SLC25A33: variants seen among roughly 807,000 people sequenced by gnomAD.
SLC25A33 encodes bone marrow stromal cell mitochondrial carrier protein.
SLC25A33 carries 15 observed loss-of-function variants against 35.5 expected under a neutral mutation model. That is an observed-to-expected ratio of 0.42 (90% CI 0.28 to 0.65). The LOEUF (loss-of-function observed/expected upper bound fraction) is 0.65. Among genes scored for constraint, SLC25A33 ranks in the 30% least tolerant of loss-of-function variants. The pLI is 0.20. For missense variants in SLC25A33, 257 were observed against 398.5 expected, an observed-to-expected ratio of 0.64 and a Z score of 3.02; for synonymous variants, 136 against 148.7, an observed-to-expected ratio of 0.91 and a Z score of 0.62.
At chr1:9,557,046 T>C (rs1390490898) in intron 2 of SLC25A33, among the ~76,000 whole-genome samples, 10 of 152,096 alleles carry the variant, frequency 6.6e-5, no homozygotes, top group Non-Finnish European at 1.5e-4. Flanking sequence ...CGATTCTCCT[T>C]CCTCAGCCTC....
intron 5 of SLC25A33, among the ~76,000 whole-genome samples, chr1:9,577,863 T>C (rs986950720): frequency 6.6e-6 from 1 of 152,200 alleles, no homozygotes; most frequent in East Asian, 1.9e-4. Context: ...GACAGCCTGC[T>C]TCTCCCCAAA....
At chr1:9,576,588 AC>A in intron 5 of SLC25A33, 1 of 568,782 alleles carries the variant, frequency 1.8e-6, no homozygotes, top group Non-Finnish European at 3.4e-6. Flanking sequence ...GGAGTGCCAC[AC>A]GGTGGGGTAA....
At chr1:9,570,170 A>G (rs1643568598) in intron 3 of SLC25A33, 88 bp from the exon 4 acceptor site, 6 of 1,217,790 alleles carry the variant, frequency 4.9e-6, no homozygotes, top group East Asian at 2.4e-5. Context: ...TTCCCATTTT[A>G]TTTTCCGAAA....
chr1:9,580,328 G>A (rs370635326), intron 6 of SLC25A33, 94 bp downstream of exon 6: 42 of 1,482,134 alleles, frequency 2.8e-5, no homozygotes, highest in African/African-American at 1.4e-4. Flanking sequence ...ACATTGAGGC[G>A]CAGGATCCCT....
At chr1:9,542,192 C>A (rs1643094907) in intron 1 of SLC25A33, among the ~76,000 whole-genome samples, 2 of 152,078 alleles carry the variant, frequency 1.3e-5, no homozygotes, top group Non-Finnish European at 2.9e-5. Flanking sequence ...GATGGATGGC[C>A]CTGTCTTGTT....
chr1:9,549,621 CT>C (rs869101305), intron 1 of SLC25A33, among the ~76,000 whole-genome samples: 306 of 135,136 alleles, frequency 2.3e-3, no homozygotes, highest in Middle Eastern at 0.011. Flanking sequence ...CATCACAAAC[CT>C]TTTTTTTTTT....
chr1:9,573,394 G>A lies in SLC25A33; in HGVS notation c.464G>A (p.Arg155Gln), dbSNP rs769418710. 2.0e-5 allele frequency: 32 copies of A among 1,610,794 alleles called. No individual in the cohort carries two copies. Among genetic ancestry groups the A allele is most frequent in the Non-Finnish European group, 2.1e-5 (25 of 1,178,812 alleles). The change falls in exon 5 of 7, where the codon CGA (arginine) becomes CAA (glutamine). Residue 155 changes from arginine (R) to glutamine (Q), a missense_variant. Coordinates refer to ENST00000302692, the MANE Select transcript of SLC25A33 (RefSeq NM_032315.3). ...AATCCTATATGGATGGTTAAAACCCGAATGCAGCTAGAACAGAAGTAAGTT... is the reference window on the plus strand; with the variant it reads ...AATCCTATATGGATGGTTAAAACCCAAATGCAGCTAGAACAGAAGTAAGTT... ...LMNPIWMVKTRMQLEQKVRGS... is the reference protein window; with the variant it reads ...LMNPIWMVKTQMQLEQKVRGS...
chr1:9,560,753 A>G lies in SLC25A33; in HGVS notation c.237-6531A>G, dbSNP rs530016598. On this transcript the variant is annotated intron_variant, in intron 2 of 6. Coordinates refer to ENST00000302692, the MANE Select transcript of SLC25A33 (RefSeq NM_032315.3). Reference sequence around the variant, plus strand: ...ATTCTCTATTGAAGAACCTATCTCGAACCTATCTTTTTTTTTTTAATAGTT... The same window carrying G: ...ATTCTCTATTGAAGAACCTATCTCGGACCTATCTTTTTTTTTTTAATAGTT... Among the ~76,000 whole-genome samples, 5 of 144,044 alleles carry G rather than the reference A, an allele frequency of 3.5e-5. No individual in the cohort carries two copies. In the East Asian group the frequency reaches 1.0e-3, roughly 30 times the overall value. The allele number at this position is 144,044 out of a possible 152,430, so 94.5% of individuals were successfully genotyped here. A position where few individuals can be genotyped will look rare whatever the true frequency, so the allele number is the denominator to read the frequency against.
At chr1:9,572,901 C>CAAA (rs57308070) in intron 4 of SLC25A33, among the ~76,000 whole-genome samples, 1 of 60,890 alleles carries the variant, frequency 1.6e-5, no homozygotes. Flanking sequence ...CCCGTCTCTA[C>CAAA]AAAAAAAAAA....
chr1:9,560,418 G>A (rs554474620), intron 2 of SLC25A33, among the ~76,000 whole-genome samples: 1 of 151,882 alleles, frequency 6.6e-6, no homozygotes, highest in African/African-American at 2.4e-5. Flanking sequence ...CAAAAAATTA[G>A]CCAGGTGTGG....
rs766207217 is a variant in SLC25A33 at position 9,580,128 on chromosome 1, A to G, written c.657A>G (p.Leu219=). The G allele has an allele frequency of 9.9e-6, 16 of 1,610,434 alleles. No homozygotes were observed. The highest frequency in any genetic ancestry group is 4.0e-5 in the African/African-American group (3 of 74,708). Residue 219 remains leucine (L), a synonymous_variant, in exon 6 of 7, where the codon TTA becomes TTG. Coordinates refer to ENST00000302692, the MANE Select transcript of SLC25A33 (RefSeq NM_032315.3). ...SLKKYLKEAP[L]ASSANGTEKN... is the part of the protein sequence containing the mutation. ...AGAAGTATCTGAAAGAAGCTCCATT[A>G]GCCTCTTCTGCAAATGGGACTGAGA...
chr1:9,568,545 A>C (rs1444579437), intron 3 of SLC25A33, among the ~76,000 whole-genome samples: 4 of 151,918 alleles, frequency 2.6e-5, no homozygotes, highest in African/African-American at 9.7e-5. Flanking sequence ...TCATACTCCA[A>C]GAGACTTGAA....
intron 1 of SLC25A33, among the ~76,000 whole-genome samples, chr1:9,550,941 G>C (rs1643257906): frequency 6.6e-6 from 1 of 151,724 alleles, no homozygotes; most frequent in East Asian, 1.9e-4. Flanking sequence ...GCCTCCTAAA[G>C]TGCTAGGATT....
In SLC25A33 at chr1:9,583,868, A is replaced by G. The variant is rs964043964; in HGVS notation, c.*1367A>G. The G allele has an allele frequency of 6.6e-6, 1 of 151,924 alleles. No homozygotes were observed. The highest frequency in any genetic ancestry group is 1.5e-5 in the Non-Finnish European group (1 of 68,048). The allele number at this position is 151,924 out of a possible 1,614,324, so 9.4% of individuals were successfully genotyped here. A position where few individuals can be genotyped will look rare whatever the true frequency, so the allele number is the denominator to read the frequency against. ...AAATTGGCCATGCGTGGTGGCGGGC[A>G]CCCATAGTCCCAGCTACTCGGGAGG... On this transcript the variant is annotated 3_prime_UTR_variant, in exon 7 of 7. Coordinates refer to ENST00000302692, the MANE Select transcript of SLC25A33 (RefSeq NM_032315.3).
chr1:9,559,816 G>A (rs1354621564), intron 2 of SLC25A33, among the ~76,000 whole-genome samples: 1 of 152,122 alleles, frequency 6.6e-6, no homozygotes, highest in Non-Finnish European at 1.5e-5. Context: ...CCATCCCTAA[G>A]CTAACGGCGG....
intron 2 of SLC25A33, among the ~76,000 whole-genome samples, chr1:9,555,674 T>G (rs1265837971): frequency 1.3e-5 from 2 of 150,908 alleles, no homozygotes; most frequent in East Asian, 1.9e-4. Context: ...GAAATTGGGG[T>G]TTTTGTTTGT....
chr1:9,563,313 A>T (rs1643453458), intron 2 of SLC25A33, among the ~76,000 whole-genome samples: 1 of 152,210 alleles, frequency 6.6e-6, no homozygotes, highest in South Asian at 2.1e-4. Flanking sequence ...TCTAATTGCT[A>T]GCCTACTACT....
chr1:9,573,686 G>A (rs1403699098), intron 5 of SLC25A33, among the ~76,000 whole-genome samples: 1 of 152,178 alleles, frequency 6.6e-6, no homozygotes, highest in East Asian at 1.9e-4. Flanking sequence ...CAGAGAGTCA[G>A]TGACTGTCTC....
At chr1:9,564,716 G>A (rs1477897455) in intron 2 of SLC25A33, among the ~76,000 whole-genome samples, 6 of 105,570 alleles carry the variant, frequency 5.7e-5, no homozygotes, top group Non-Finnish European at 1.1e-4. Context: ...GTGACACCTC[G>A]TCTCTATTTA....
Sources: gnomAD v4.1 joint callset for allele counts (sites outside exome capture counted in the v4.1 genomes callset) on GRCh38, gnomAD v4.1.1 for gene constraint, MANE v1.5 for transcripts, NCBI Gene and HGNC (gene_info 2026-07-23, HGNC 2026-07-21) for gene names.